NELL2: variants seen among roughly 807,000 people sequenced by gnomAD.
NELL2 encodes the protein neural EGFL like 2.
In NELL2, 41 loss-of-function variants were observed where a neutral mutation model predicts 109.6. The ratio of observed to expected loss-of-function variants is 0.37; its 90% CI spans 0.29 to 0.49. NELL2 has a LOEUF of 0.49. Ranked by LOEUF, NELL2 falls within the 20% of genes least tolerant of loss-of-function variation. The pLI, the probability that NELL2 is intolerant of heterozygous loss-of-function variation, is 0.98. For synonymous variants in NELL2, 355 were observed against 344.7 expected (o/e 1.03, Z -0.33); for missense variants, 900 against 1,008.3 (o/e 0.89, Z 1.45).
At chr12:44,589,120 G>A (rs1233839092) in intron 15 of NELL2, among the ~76,000 whole-genome samples, 1 of 152,166 alleles carries the variant, frequency 6.6e-6, no homozygotes, top group East Asian at 1.9e-4. Context: ...ACTGTAAGTA[G>A]CAGAACTTCA....
intron 15 of NELL2, among the ~76,000 whole-genome samples, chr12:44,565,959 G>T (rs1002068632): frequency 6.6e-6 from 1 of 152,054 alleles, no homozygotes; most frequent in African/African-American, 2.4e-5. Context: ...ATAGTGATTG[G>T]TCTCCTCTGA....
intron 9 of NELL2, among the ~76,000 whole-genome samples, chr12:44,727,139 A>G (rs549929481): frequency 2.6e-5 from 4 of 152,292 alleles, no homozygotes; most frequent in Admixed American, 6.5e-5. Flanking sequence ...GCAAGATTAT[A>G]GATCAGTAAT....
chr12:44,749,509 C>T (rs911839113), intron 9 of NELL2, among the ~76,000 whole-genome samples: 1 of 152,120 alleles, frequency 6.6e-6, no homozygotes, highest in Non-Finnish European at 1.5e-5. Context: ...TCAGATGACA[C>T]CTCTTCTTGC....
intron 13 of NELL2, among the ~76,000 whole-genome samples, chr12:44,651,388 T>C (rs1196942376): frequency 6.6e-6 from 1 of 152,244 alleles, no homozygotes; most frequent in Non-Finnish European, 1.5e-5. Flanking sequence ...ACAAATCTTG[T>C]GCGTCTGTTG....
chr12:44,645,881 T>C (rs1210426878), intron 13 of NELL2, among the ~76,000 whole-genome samples: 1 of 152,150 alleles, frequency 6.6e-6, no homozygotes, highest in Non-Finnish European at 1.5e-5. Flanking sequence ...TATTATAGTA[T>C]ATTATACTCT....
rs529157111 is a variant in NELL2, at chr12:44,546,343, T to C, written c.1664-13622A>G. ...ATGGCTTCTACTGGCTTTGAGCGAG[T>C]GTCATATGCCTGACAGACTGTCTAC... On this transcript the variant is annotated intron_variant, in intron 15 of 19. Coordinates refer to ENST00000429094, the MANE Select transcript of NELL2 (RefSeq NM_001145108.2). 1.0e-3 allele frequency among the ~76,000 whole-genome samples: 159 copies of C among 152,236 alleles called. 1 individual carries two copies. The highest frequency in any genetic ancestry group is 3.5e-3 in the African/African-American group (147 of 41,572).
At chr12:44,510,825 A>G (rs1036380489) in intron 19 of NELL2, among the ~76,000 whole-genome samples, 1 of 152,182 alleles carries the variant, frequency 6.6e-6, no homozygotes, top group Non-Finnish European at 1.5e-5. Flanking sequence ...GGCTGGAACC[A>G]TCTTTGCCTC....
chr12:44,774,535 C>A, intron 9 of NELL2: 1 of 535,918 alleles, frequency 1.9e-6, no homozygotes, highest in South Asian at 2.2e-5. Context: ...GAATAGATTA[C>A]TCCAAGAAAA....
At chr12:44,644,104 C>T (rs1429434327) in intron 13 of NELL2, among the ~76,000 whole-genome samples, 1 of 152,112 alleles carries the variant, frequency 6.6e-6, no homozygotes, top group Non-Finnish European at 1.5e-5. Flanking sequence ...TATTGATAGA[C>T]TATGAACACA....
chr12:44,801,392 T>C (rs887441945), intron 3 of NELL2, among the ~76,000 whole-genome samples: 7 of 152,118 alleles, frequency 4.6e-5, no homozygotes, highest in Admixed American at 1.3e-4. Context: ...ATTATTATTA[T>C]CTTCAAACCA....
At chr12:44,530,006 GAA>G (rs35578383) in intron 16 of NELL2, among the ~76,000 whole-genome samples, 1 of 152,106 alleles carries the variant, frequency 6.6e-6, no homozygotes, top group Non-Finnish European at 1.5e-5. Context: ...TGATGCAGTT[GAA>G]AAAGACTTAA....
At chr12:44,613,335 T>G (rs1566019727) in intron 13 of NELL2, among the ~76,000 whole-genome samples, 1 of 152,142 alleles carries the variant, frequency 6.6e-6, no homozygotes, top group Admixed American at 6.5e-5. Flanking sequence ...TATTTTTCTT[T>G]GTATCTCATT....
intron 12 of NELL2, among the ~76,000 whole-genome samples, chr12:44,700,919 G>C (rs935066402): frequency 6.6e-6 from 1 of 152,020 alleles, no homozygotes; most frequent in Non-Finnish European, 1.5e-5. Flanking sequence ...TGATAACCAT[G>C]ATCAGGAAAA....
intron 9 of NELL2, among the ~76,000 whole-genome samples, chr12:44,736,222 GA>G (rs1939642204): frequency 1.3e-5 from 2 of 151,840 alleles, no homozygotes; most frequent in Admixed American, 1.3e-4. Context: ...TGTCAGCCAG[GA>G]TGGTCTCAAT....
chr12:44,588,012 G>A (rs879353636), intron 15 of NELL2, among the ~76,000 whole-genome samples: 58 of 152,004 alleles, frequency 3.8e-4, no homozygotes, highest in African/African-American at 1.3e-3. Context: ...TTAGCCAGGC[G>A]TGGTGGCGGG....
intron 7 of NELL2, among the ~76,000 whole-genome samples, chr12:44,776,747 G>A (rs1451755769): frequency 6.6e-6 from 1 of 152,088 alleles, no homozygotes; most frequent in Non-Finnish European, 1.5e-5. Flanking sequence ...TGCTTGTAAT[G>A]AAAAACTGAA....
intron 9 of NELL2, among the ~76,000 whole-genome samples, chr12:44,770,384 G>C (rs1941501527): frequency 6.6e-6 from 1 of 152,110 alleles, no homozygotes. Flanking sequence ...GAGTCCATGA[G>C]AGGTTAAGCA....
chr12:44,523,796 A>G (rs971381804), intron 16 of NELL2, among the ~76,000 whole-genome samples: 2 of 152,220 alleles, frequency 1.3e-5, no homozygotes, highest in African/African-American at 4.8e-5. Flanking sequence ...GACTCAATTT[A>G]CCAAACAAAA....
At chr12:44,911,895 A>G (rs182811304) in intron 1 of NELL2, among the ~76,000 whole-genome samples, 1 of 152,056 alleles carries the variant, frequency 6.6e-6, no homozygotes, top group African/African-American at 2.4e-5. Flanking sequence ...GGTGCAGCAC[A>G]TCAACATGGC....
Sources: allele counts gnomAD v4.1 joint callset (sites outside exome capture counted in the v4.1 genomes callset), GRCh38; gene constraint gnomAD v4.1.1; transcripts MANE v1.5; gene names NCBI Gene and HGNC (gene_info 2026-07-23, HGNC 2026-07-21).